AGTPBP1: variants seen among roughly 807,000 people sequenced by gnomAD.
AGTPBP1 encodes the protein cytosolic carboxypeptidase 1.
Under a neutral mutation model 143.9 loss-of-function variants are expected in AGTPBP1, and 70 were observed. That is an observed-to-expected ratio of 0.49 (90% CI 0.40 to 0.59). The LOEUF is 0.59. Ranked by LOEUF, AGTPBP1 falls within the 20% of genes least tolerant of loss-of-function variation. The probability of loss-of-function intolerance (pLI) is 0.00; values close to 1 mark genes in which losing one functional copy is unlikely to be tolerated. For missense variants in AGTPBP1, 1,229 were observed against 1,464.5 expected, an observed-to-expected ratio of 0.84 and a Z score of 2.62; for synonymous variants, 463 against 500.2, an observed-to-expected ratio of 0.93 and a Z score of 0.99.
At chr9:85,625,300 A>C (rs552572735) in intron 14 of AGTPBP1, among the ~76,000 whole-genome samples, 135 of 152,332 alleles carry the variant, frequency 8.9e-4, no homozygotes, top group African/African-American at 3.1e-3. Flanking sequence ...GAATTCTTTC[A>C]ATTAATGTAT....
At chr9:85,634,365 C>A (rs149582492) in intron 13 of AGTPBP1, among the ~76,000 whole-genome samples, 1 of 152,078 alleles carries the variant, frequency 6.6e-6, no homozygotes, top group East Asian at 1.9e-4. Flanking sequence ...GGGGTGCATT[C>A]TAGGCAGAGA....
chr9:85,786,998 A>G, the AGTPBP1 span, among the ~76,000 whole-genome samples: 1 of 152,142 alleles, frequency 6.6e-6, no homozygotes, highest in Non-Finnish European at 1.5e-5. Flanking sequence ...GTTATTTTTT[A>G]AAAGATCCAG....
At chr9:85,727,974 G>A (rs914101681) in intron 1 of AGTPBP1, among the ~76,000 whole-genome samples, 6 of 151,668 alleles carry the variant, frequency 4.0e-5, no homozygotes, top group African/African-American at 1.5e-4. Context: ...GTTGCAGTGA[G>A]CTATGACTGC....
intron 25 of AGTPBP1, among the ~76,000 whole-genome samples, chr9:85,558,924 A>G (rs1826520502): frequency 6.6e-6 from 1 of 152,146 alleles, no homozygotes; most frequent in African/African-American, 2.4e-5. Flanking sequence ...TGGCCATCCT[A>G]TAGTATTTTA....
At chr9:85,773,081 C>A in the AGTPBP1 span, among the ~76,000 whole-genome samples, 1 of 151,436 alleles carries the variant, frequency 6.6e-6, no homozygotes, top group Admixed American at 6.6e-5. Flanking sequence ...CTAGCTAACA[C>A]GGTGAAACCC....
At chr9:85,632,085 C>T (rs920744224) in intron 14 of AGTPBP1, among the ~76,000 whole-genome samples, 3 of 151,094 alleles carry the variant, frequency 2.0e-5, no homozygotes, top group African/African-American at 7.3e-5. Context: ...TTTTTTAGTA[C>T]ATAGTAGGTA....
chr9:85,735,143 C>T (rs922536063), intron 1 of AGTPBP1, among the ~76,000 whole-genome samples: 3 of 152,142 alleles, frequency 2.0e-5, no homozygotes, highest in Admixed American at 6.5e-5. Context: ...CATTCATCAA[C>T]GGATGAATGC....
chr9:85,670,237 T>C lies in AGTPBP1; in HGVS notation c.569-659A>G, dbSNP rs144290164. Among the ~76,000 whole-genome samples, 5 of 152,232 alleles carry C rather than the reference T, an allele frequency of 3.3e-5. No individual in the cohort carries two copies. The East Asian group carries it at 9.7e-4, about 29-fold the overall frequency. ...TTAAACACAGAGTATCAAGAAAAGATACACAAATAGGAAGATGAGGTAGAA... is the reference window on the plus strand; with the variant it reads ...TTAAACACAGAGTATCAAGAAAAGACACACAAATAGGAAGATGAGGTAGAA... On this transcript the variant is annotated intron_variant, in intron 7 of 25. Coordinates refer to ENST00000357081, the MANE Select transcript of AGTPBP1 (RefSeq NM_001330701.2).
In AGTPBP1 at chr9:85,656,777, CA is replaced by C. The variant is rs202234008; in HGVS notation, c.909+657del. Among the ~76,000 whole-genome samples, 1,094 of 152,108 alleles carry C rather than the reference CA, an allele frequency of 7.2e-3. 12 individuals are homozygous for C. Among genetic ancestry groups the C allele is most frequent in the Admixed American group, 0.014 (219 of 15,260 alleles). ...GTTTCATTTTTGTACCTTCTCTATT[CA>C]AAAAAGCCTCTATCCAGCAGGAAAA... On this transcript the variant is annotated intron_variant, in intron 10 of 25. Coordinates refer to ENST00000357081, the MANE Select transcript of AGTPBP1 (RefSeq NM_001330701.2).
At chr9:85,548,450 A>C (rs1386727642) in intron 25 of AGTPBP1, among the ~76,000 whole-genome samples, 1 of 152,240 alleles carries the variant, frequency 6.6e-6, no homozygotes, top group Non-Finnish European at 1.5e-5. Flanking sequence ...CTAATGTAGC[A>C]AACTTCCTCT....
At chr9:85,726,404 T>C (rs1004572601) in intron 1 of AGTPBP1, among the ~76,000 whole-genome samples, 1 of 152,206 alleles carries the variant, frequency 6.6e-6, no homozygotes, top group Non-Finnish European at 1.5e-5. Context: ...TTTGCTATGG[T>C]CTTAAGTCTT....
chr9:85,592,678 G>C lies in AGTPBP1; in HGVS notation c.2450C>G (p.Ala817Gly), dbSNP rs1829047674. 5.0e-6 allele frequency: 8 copies of C among 1,610,896 alleles called. No individual in the cohort carries two copies. Among genetic ancestry groups the C allele is most frequent in the Non-Finnish European group, 6.8e-6 (8 of 1,178,868 alleles). ...YKNHFSRSSV[A>G]AGGQKGKSYY... ...GGATTTTCCCTTTTGCCCACCTGCA[G>C]CAACTGAACTTCTTGAGAAATGATT... Residue 817 changes from alanine (A) to glycine (G), a missense_variant, in exon 19 of 26, where the codon GCT (alanine) becomes GGT (glycine). Ala to Gly is a moderately conservative substitution (Grantham distance 60). This residue lies in a region of AGTPBP1 where 486 missense variants were observed against 652.3 expected (regional missense o/e 0.75). Transcript: ENST00000357081.
chr9:85,708,397 G>A (rs1168230605), intron 2 of AGTPBP1, among the ~76,000 whole-genome samples: 2 of 152,148 alleles, frequency 1.3e-5, no homozygotes, highest in African/African-American at 4.8e-5. Context: ...TGGTTCCAGG[G>A]ATTAAGGCAT....
At chr9:85,755,178 C>T in the AGTPBP1 span, among the ~76,000 whole-genome samples, 1 of 152,066 alleles carries the variant, frequency 6.6e-6, no homozygotes. Flanking sequence ...TATATATTCA[C>T]TGTCTCATTG....
intron 21 of AGTPBP1, 128 bp downstream of exon 21, chr9:85,588,170 C>T: frequency 1.4e-6 from 1 of 723,354 alleles, no homozygotes; most frequent in Non-Finnish European, 2.1e-6. Flanking sequence ...ATCTTAATTT[C>T]CCACCAAAAA....
chr9:85,617,612 T>C (rs1830667242), intron 17 of AGTPBP1, among the ~76,000 whole-genome samples: 2 of 152,106 alleles, frequency 1.3e-5, no homozygotes, highest in Non-Finnish European at 2.9e-5. Context: ...TGGGTACAAC[T>C]CAAGAGTTTT....
chr9:85,718,857 G>A (rs1219455775), intron 1 of AGTPBP1, among the ~76,000 whole-genome samples: 2 of 152,186 alleles, frequency 1.3e-5, no homozygotes, highest in Non-Finnish European at 2.9e-5. Flanking sequence ...AAGGGGTAAG[G>A]AAGGGATCCA....
chr9:85,579,424 A>G (rs972030633), intron 23 of AGTPBP1, among the ~76,000 whole-genome samples: 1 of 152,208 alleles, frequency 6.6e-6, no homozygotes, highest in Non-Finnish European at 1.5e-5. Context: ...GTCATAAAAG[A>G]CTAATTGAGA....
At chr9:85,619,324 A>G (rs1830774672) in intron 15 of AGTPBP1, 23 bp from the exon 16 acceptor site, 1 of 1,526,580 alleles carries the variant, frequency 6.6e-7, no homozygotes, top group African/African-American at 1.4e-5. Context: ...TTTAAAGTAA[A>G]TGTATTAAAA....
Sources: gnomAD v4.1 joint callset for allele counts (sites outside exome capture counted in the v4.1 genomes callset) on GRCh38, gnomAD v4.1.1 for gene constraint, gnomAD v4.1.1 regional missense constraint, MANE v1.5 for transcripts, NCBI Gene and HGNC (gene_info 2026-07-23, HGNC 2026-07-21) for gene names.